Variants in CLN6 observed in about 807,000 individuals in gnomAD.
CLN6 encodes the protein ceroid-lipofuscinosis neuronal protein 6.
In CLN6, 22 loss-of-function variants were observed where a neutral mutation model predicts 33.3. The ratio of observed to expected loss-of-function variants is 0.66; its 90% CI spans 0.47 to 0.94. The LOEUF is 0.94. CLN6 is among the 40% of genes least tolerant of loss of function. CLN6 has a pLI of 0.00. For synonymous variants in CLN6, 201 were observed against 174.6 expected (o/e 1.15, Z -1.19); for missense variants, 387 against 417.1 (o/e 0.93, Z 0.63).
In CLN6 at chr15:68,208,098, A is replaced by AC; in HGVS notation, c.*41dup. On this transcript the variant is annotated 3_prime_UTR_variant, in exon 7 of 7. Transcript: ENST00000249806. This position sits in a 1 kb window ranked among gnomAD's most constrained non-coding sequence, Gnocchi z 5.8. ...TGTATTCAGATGCCCTCCATGGCCC[A>AC]CCCTCCCACCCAGCAGAGCGCCAGA... 5.9e-4 allele frequency: 263 copies of AC among 448,298 alleles called. No homozygotes were observed. Among genetic ancestry groups the AC allele is most frequent in the Middle Eastern group, 2.2e-3 (3 of 1,368 alleles). 27.8% of individuals were successfully genotyped at this position (448,298 alleles called of 1,614,324 possible).
chr15:68,213,877 T>C (rs1223283443), intron 3 of CLN6: 2 of 236,018 alleles, frequency 8.5e-6, no homozygotes, highest in Non-Finnish European at 1.7e-5. Context: ...CAGCTGCTGC[T>C]GCTGCCTCTC....
intron 3 of CLN6, chr15:68,212,298 G>A (rs114660769): frequency 0.011 from 2,186 of 200,408 alleles, 49 homozygotes; most frequent in African/African-American, 0.048. Context: ...GAAAATGTCA[G>A]GGATGGGGGC....
intron 1 of CLN6, among the ~76,000 whole-genome samples, chr15:68,238,712 T>C (rs2141161274): frequency 6.6e-6 from 1 of 152,242 alleles, no homozygotes; most frequent in South Asian, 2.1e-4. Context: ...TAACAGGCCT[T>C]AACTAAAACA....
chr15:68,250,242 A>G (rs1424291205), intron 1 of CLN6, among the ~76,000 whole-genome samples: 5 of 152,182 alleles, frequency 3.3e-5, no homozygotes, highest in Admixed American at 2.6e-4. Flanking sequence ...TATCAATGAA[A>G]AATAAAAAAA....
rs1449019695 is a variant in CLN6, at chr15:68,211,758, G to A, written c.403C>T (p.His135Tyr). 8.7e-6 allele frequency: 14 copies of A among 1,613,834 alleles called. No individual in the cohort carries two copies. The Admixed American group carries it at 2.0e-4, about 23-fold the overall frequency. The change falls in exon 4 of 7, where the codon CAC (histidine) becomes TAC (tyrosine). Residue 135 changes from histidine (H) to tyrosine (Y), a missense_variant. Transcript: ENST00000249806. This position sits in a 1 kb window ranked among gnomAD's most constrained non-coding sequence, Gnocchi z 5.9. ...TGGTAGCCACTGAAGAGCAGGCGGT[G>A]GTTGACAGAGTCACCCACCAGGTGG... ...SIHLVGDSVN[H>Y]RLLFSGYQHH...
chr15:68,213,186 T>C (rs1306342832), intron 3 of CLN6: 1 of 151,974 alleles, frequency 6.6e-6, no homozygotes, highest in Non-Finnish European at 1.5e-5. Flanking sequence ...GCTCCCAGAG[T>C]GCTGGGCTTA....
chr15:68,226,966 C>G (rs1170316708), intron 1 of CLN6, among the ~76,000 whole-genome samples: 2 of 152,102 alleles, frequency 1.3e-5, no homozygotes, highest in East Asian at 3.8e-4. Context: ...GGGATTACTA[C>G]TTTTTAAAAC....
In CLN6 at chr15:68,210,700, G is replaced by A. The variant is rs527899486; in HGVS notation, c.542+563C>T. Among the ~76,000 whole-genome samples the A allele has an allele frequency of 1.3e-5, 2 of 152,276 alleles. No individual in the cohort carries two copies. The highest frequency in any genetic ancestry group is 4.8e-5 in the African/African-American group (2 of 41,562). ...CCTGAGGCTGAGACCACATTTCTGA[G>A]GTCTCCCCCGACTGAGGGACGGGGT... On this transcript the variant is annotated intron_variant, in intron 5 of 6. Coordinates refer to ENST00000249806, the MANE Select transcript of CLN6 (RefSeq NM_017882.3). This position sits in a 1 kb window ranked among gnomAD's most constrained non-coding sequence, Gnocchi z 5.6.
In CLN6 at chr15:68,209,908, C is replaced by A. The variant is rs1567095206; in HGVS notation, c.543-149G>T. On this transcript the variant is annotated intron_variant, in intron 5 of 6. Transcript: ENST00000249806. The surrounding 1 kb of genome is among the most constrained non-coding windows in gnomAD (Gnocchi z 4.9). ...GTGAGAGGCGCTCCTCTCCACCCAA[C>A]CTTGCCTGTGCTGGGCGTCAAAGGT... The A allele has an allele frequency of 9.0e-7, 1 of 1,105,380 alleles. No individual in the cohort carries two copies. Among genetic ancestry groups the A allele is most frequent in the Non-Finnish European group, 1.3e-6 (1 of 748,318 alleles). 68.5% of individuals were successfully genotyped at this position (1,105,380 alleles called of 1,614,324 possible). A position where few individuals can be genotyped will look rare whatever the true frequency, so the allele number is the denominator to read the frequency against.
chr15:68,228,067 A>G lies in CLN6; in HGVS notation c.83+1435T>C, dbSNP rs892415138. Among the ~76,000 whole-genome samples the G allele has an allele frequency of 3.3e-5, 5 of 152,324 alleles. No individual in the cohort carries two copies. Among genetic ancestry groups the G allele is most frequent in the East Asian group, 3.9e-4 (2 of 5,188 alleles). ...CTCAGCCAGTCAGGCTCCTCAGCCC[A>G]TCTAAGCCTATTTCCTCATCAGTAA... On this transcript the variant is annotated intron_variant, in intron 1 of 6. Coordinates refer to ENST00000249806, the MANE Select transcript of CLN6 (RefSeq NM_017882.3). The surrounding 1 kb of genome is among the most constrained non-coding windows in gnomAD (Gnocchi z 4.4).
At chr15:68,230,900 G>A (rs1046908410), upstream of CLN6, among the ~76,000 whole-genome samples, 6 of 152,052 alleles carry the variant, frequency 3.9e-5, no homozygotes, top group African/African-American at 1.5e-4. This position sits in a 1 kb window ranked among gnomAD's most constrained non-coding sequence, Gnocchi z 4.0. Flanking sequence ...GCTACACCAG[G>A]CGCACACGAC....
rs780439427 is a variant in CLN6 at position 68,208,113 on chromosome 15, A to G, written c.*27T>C. On this transcript the variant is annotated 3_prime_UTR_variant, in exon 7 of 7. Transcript: ENST00000249806. This position sits in a 1 kb window ranked among gnomAD's most constrained non-coding sequence, Gnocchi z 5.8. ...TCCATGGCCCACCCTCCCACCCAGC[A>G]GAGCGCCAGAGCCTGGTGCCAGGGA... 4 of 582,120 alleles carry G rather than the reference A, an allele frequency of 6.9e-6. No homozygotes were observed. The highest frequency in any genetic ancestry group is 5.7e-5 in the South Asian group (4 of 70,370). The allele number at this position is 582,120 out of a possible 1,614,324, so 36.1% of individuals were successfully genotyped here.
intron 1 of CLN6, among the ~76,000 whole-genome samples, chr15:68,252,253 C>T (rs1330725619): frequency 1.3e-5 from 2 of 151,990 alleles, no homozygotes; most frequent in African/African-American, 4.8e-5. Flanking sequence ...GGATTACAGG[C>T]GTGAGCCACC....
rs1472591777 is a variant in CLN6, at chr15:68,229,119, T to C, written c.83+383A>G. Among the ~76,000 whole-genome samples, 3 of 151,330 alleles carry C rather than the reference T, an allele frequency of 2.0e-5. No individual in the cohort carries two copies. The East Asian group carries it at 5.9e-4, about 30-fold the overall frequency. On this transcript the variant is annotated intron_variant, in intron 1 of 6. Transcript: ENST00000249806. ...GTGGCGCCCGGAACTTGCGGATAAG[T>C]TGGGGGTCCGAGTGACGAGGTGTGT...
At chr15:68,252,261 A>C (rs1411680514) in intron 1 of CLN6, among the ~76,000 whole-genome samples, 2 of 152,206 alleles carry the variant, frequency 1.3e-5, no homozygotes, top group African/African-American at 4.8e-5. Flanking sequence ...GGCGTGAGCC[A>C]CCACACCCGG....
In CLN6 at chr15:68,208,775, C is replaced by T. The variant is rs188451993; in HGVS notation, c.666-365G>A. On this transcript the variant is annotated intron_variant, in intron 6 of 6. Transcript: ENST00000249806. The surrounding 1 kb of genome is among the most constrained non-coding windows in gnomAD (Gnocchi z 5.8). ...GGCAGCCACCCCCGCGGCAGGATGC[C>T]GGGGTAAGAACCAGCAGGAAGCGCT... 5.7e-4 allele frequency among the ~76,000 whole-genome samples: 87 copies of T among 152,350 alleles called. 1 individual carries two copies. The East Asian group carries it at 0.011, about 19-fold the overall frequency.
At chr15:68,254,002 C>T (rs543411526) in intron 1 of CLN6, among the ~76,000 whole-genome samples, 1 of 152,018 alleles carries the variant, frequency 6.6e-6, no homozygotes, top group Admixed American at 6.6e-5. Context: ...CTCAGCCTCC[C>T]GAGCAGCTGG....
At chr15:68,253,390 T>G (rs1892399574) in intron 1 of CLN6, among the ~76,000 whole-genome samples, 1 of 152,240 alleles carries the variant, frequency 6.6e-6, no homozygotes, top group South Asian at 2.1e-4. Flanking sequence ...GTGTTTCTGT[T>G]TGAATGCTGA....
intron 1 of CLN6, among the ~76,000 whole-genome samples, chr15:68,240,202 C>T (rs1292819192): frequency 6.6e-6 from 1 of 152,034 alleles, no homozygotes; most frequent in Non-Finnish European, 1.5e-5. Context: ...AAGAAAAAAA[C>T]TCCCAATAGA....
Sources: allele counts gnomAD v4.1 joint callset (sites outside exome capture counted in the v4.1 genomes callset), GRCh38; gene constraint gnomAD v4.1.1; non-coding constraint Gnocchi (gnomAD v3.1); transcripts MANE v1.5; gene names NCBI Gene and HGNC (gene_info 2026-07-23, HGNC 2026-07-21).